CNGB1: variants seen among roughly 807,000 people sequenced by gnomAD.
CNGB1 encodes cyclic nucleotide gated channel subunit beta 1.
A neutral mutation model predicts 151.7 loss-of-function variants in CNGB1; 126 were observed. The ratio of observed to expected loss-of-function variants is 0.83; its 90% CI spans 0.72 to 0.96. CNGB1 has a LOEUF of 0.96. Ranked by LOEUF, CNGB1 falls within the 40% of genes least tolerant of loss-of-function variation. The pLI is 0.00. For missense variants in CNGB1, 1,698 were observed against 1,627.0 expected, an observed-to-expected ratio of 1.04 and a Z score of -0.75; for synonymous variants, 623 against 635.1, an observed-to-expected ratio of 0.98 and a Z score of 0.29.
chr16:57,968,338 A>G (rs1220543995), intron 1 of CNGB1, among the ~76,000 whole-genome samples: 1 of 152,124 alleles, frequency 6.6e-6, no homozygotes, highest in Non-Finnish European at 1.5e-5. Context: ...GTCTACTAAA[A>G]ATACAAAAAT....
chr16:57,939,637 C>T (rs1401561100), intron 15 of CNGB1, 45 bp from the exon 16 acceptor site: 1 of 1,613,000 alleles, frequency 6.2e-7, no homozygotes, highest in Non-Finnish European at 8.5e-7. Context: ...CATCAGCCCC[C>T]AGCCCTAGTC....
rs1298167540 is a variant in CNGB1, at chr16:57,911,888, C to T, written c.2370-13G>A. 5.6e-6 allele frequency: 9 copies of T among 1,612,936 alleles called. No individual in the cohort carries two copies. Among genetic ancestry groups the T allele is most frequent in the African/African-American group, 1.3e-5 (1 of 74,888 alleles). On this transcript the variant is annotated splice_polypyrimidine_tract_variant and intron_variant, in intron 24 of 32. Coordinates refer to ENST00000251102, the MANE Select transcript of CNGB1 (RefSeq NM_001297.5). ...GGTCCTGATGACCCTGCAGAAGGAA[C>T]ACAGCGCATGAACACAGCGGCGGAA...
At chr16:57,932,002 C>T (rs1297443229) in intron 16 of CNGB1, 124 bp from the exon 17 acceptor site, 5 of 1,038,166 alleles carry the variant, frequency 4.8e-6, no homozygotes, top group Non-Finnish European at 7.3e-6. Context: ...AGCTTCACTT[C>T]CCAATGGGGC....
rs749171054 is a variant in CNGB1, at chr16:57,957,380, G to T, written c.838-3C>A. On this transcript the variant is annotated splice_polypyrimidine_tract_variant and splice_region_variant and intron_variant, in intron 11 of 32. Coordinates refer to ENST00000251102, the MANE Select transcript of CNGB1 (RefSeq NM_001297.5). ...CATATCCCAGGGGAGTCAGGCTCCT[G>T]CATGGAGAGAGAAAAAAGGGAAAAT... 1 of 1,613,904 alleles carries T rather than the reference G, an allele frequency of 6.2e-7. No individual in the cohort carries two copies. The highest frequency in any genetic ancestry group is 8.5e-7 in the Non-Finnish European group (1 of 1,179,766).
chr16:57,909,395 T>C (rs1355257986), intron 25 of CNGB1, among the ~76,000 whole-genome samples: 1 of 152,176 alleles, frequency 6.6e-6, no homozygotes, highest in East Asian at 1.9e-4. Context: ...TTAAAATAAT[T>C]TTCTAAACTT....
chr16:57,943,348 C>CGT (rs139706298), intron 14 of CNGB1, among the ~76,000 whole-genome samples: 2,847 of 152,216 alleles, frequency 0.019, 82 homozygotes, highest in African/African-American at 0.064. Context: ...GAAATATTAA[C>CGT]TTCTCACCTG....
intron 8 of CNGB1, 76 bp downstream of exon 8, chr16:57,960,764 G>A: frequency 6.9e-7 from 1 of 1,452,872 alleles, no homozygotes. Flanking sequence ...CAGCCTGCTG[G>A]AGGAGGCAGT....
chr16:57,886,621 T>C (rs1363635947), intron 32 of CNGB1, among the ~76,000 whole-genome samples: 1 of 151,972 alleles, frequency 6.6e-6, no homozygotes, highest in Non-Finnish European at 1.5e-5. Flanking sequence ...TGAGACTGAG[T>C]TCACTGGGCT....
chr16:57,888,021 A>G lies in CNGB1; in HGVS notation c.3296T>C (p.Leu1099Pro). 1.9e-6 allele frequency: 3 copies of G among 1,614,180 alleles called. No individual in the cohort carries two copies. The highest frequency in any genetic ancestry group is 1.6e-4 in the Middle Eastern group (1 of 6,062). Residue 1099 changes from leucine to proline, a missense_variant, in exon 32 of 33, where the codon CTT (leucine) becomes CCT (proline). Coordinates refer to ENST00000251102, the MANE Select transcript of CNGB1 (RefSeq NM_001297.5). The stretch of plus-strand genomic sequence containing the variant: ...CTTTGGGGTGCCCGCCCGGGGTGGA[A>G]GGATCAGCACGCTCTTCTCCTCCTT... ...KPKEEKSVLI[L>P]PPRAGTPKLF...
chr16:57,917,267 C>A lies in CNGB1; in HGVS notation c.2166+1G>T. On this transcript the variant is annotated splice_donor_variant, in intron 21 of 32. Coordinates refer to ENST00000251102, the MANE Select transcript of CNGB1 (RefSeq NM_001297.5). LOFTEE classifies it high-confidence loss of function. ...CCCAACACCACCTGCCTGTGACTCA[C>A]AATGATGTCCCCGCCTCTGACAAAC... The A allele has an allele frequency of 6.2e-7, 1 of 1,611,772 alleles. No homozygotes were observed. The highest frequency in any genetic ancestry group is 8.5e-7 in the Non-Finnish European group (1 of 1,178,960).
At chr16:57,908,272 G>C (rs550522674) in intron 25 of CNGB1, among the ~76,000 whole-genome samples, 13 of 152,370 alleles carry the variant, frequency 8.5e-5, no homozygotes, top group Non-Finnish European at 1.6e-4. Context: ...TGATGGCTGA[G>C]GTTGGGGCAT....
chr16:57,922,434 T>TC (rs35121566), intron 18 of CNGB1, among the ~76,000 whole-genome samples: 7 of 147,372 alleles, frequency 4.7e-5, no homozygotes, highest in Non-Finnish European at 9.0e-5. Context: ...TTTCTTTCTT[T>TC]TTTTTTTTTT....
intron 16 of CNGB1, 61 bp downstream of exon 16, chr16:57,939,369 T>A: frequency 1.2e-6 from 2 of 1,608,992 alleles, no homozygotes; most frequent in East Asian, 4.5e-5. Flanking sequence ...GAAGGCTGCC[T>A]CCAGCCTAAA....
At chr16:57,957,914 A>G (rs1390007355) in intron 11 of CNGB1, among the ~76,000 whole-genome samples, 4 of 152,104 alleles carry the variant, frequency 2.6e-5, no homozygotes, top group African/African-American at 9.7e-5. Flanking sequence ...AAGACGTCCA[A>G]TTGCACCCAA....
rs748218212 is a variant in CNGB1 at position 57,923,255 on chromosome 16, A to G, written c.1643+18T>C. The G allele has an allele frequency of 6.6e-7, 1 of 1,525,336 alleles. No homozygotes were observed. Among genetic ancestry groups the G allele is most frequent in the Admixed American group, 1.7e-5 (1 of 57,492 alleles). 94.5% of individuals were successfully genotyped at this position (1,525,336 alleles called of 1,614,324 possible). On this transcript the variant is annotated intron_variant, in intron 18 of 32. Coordinates refer to ENST00000251102, the MANE Select transcript of CNGB1 (RefSeq NM_001297.5). ...CCCCGCAGTCTTTCAATTTTCTGAG[A>G]CCCCAGAGGGGTCTCACTCAGTGTC...
At chr16:57,919,893 T>C (rs1173350938) in intron 19 of CNGB1, among the ~76,000 whole-genome samples, 2 of 152,122 alleles carry the variant, frequency 1.3e-5, no homozygotes, top group African/African-American at 4.8e-5. Flanking sequence ...GATACAGCCT[T>C]CCTCTGGAAA....
chr16:57,964,288 G>T, intron 3 of CNGB1, 86 bp from the exon 4 acceptor site: 2 of 1,477,720 alleles, frequency 1.4e-6, no homozygotes, highest in Non-Finnish European at 1.9e-6. Flanking sequence ...TCAGGGGAGA[G>T]GAGAGAGACC....
intron 24 of CNGB1, among the ~76,000 whole-genome samples, chr16:57,912,644 ATGTGTTG>A (rs1475991384): frequency 1.4e-5 from 2 of 143,412 alleles, no homozygotes; most frequent in African/African-American, 2.6e-5. Flanking sequence ...TGTGCACTGC[ATGTGTTG>A]TGTGTTGTGT....
Position 57,967,221 on chromosome 16 carries a change from C to A in CNGB1, c.66G>T (p.Gln22His). ...GCTCTGGTTCCACTTCCTCTTCCTCCTGCATCTTGGTCTTCCGAGGGGTCC... is the reference window on the plus strand; with the variant it reads ...GCTCTGGTTCCACTTCCTCTTCCTCATGCATCTTGGTCTTCCGAGGGGTCC... ...PPGTPRKTKM[Q>H]EEEEVEPEPE... The change falls in exon 2 of 33, where the codon CAG becomes CAT. Residue 22 changes from glutamine (Q) to histidine (H), a missense_variant. Gln to His is a conservative substitution (Grantham distance 24). Transcript: ENST00000251102. The A allele has an allele frequency of 6.2e-7, 1 of 1,614,198 alleles. No homozygotes were observed. Among genetic ancestry groups the A allele is most frequent in the Non-Finnish European group, 8.5e-7 (1 of 1,180,030 alleles).
Sources: allele counts gnomAD v4.1 joint callset (sites outside exome capture counted in the v4.1 genomes callset), GRCh38; gene constraint gnomAD v4.1.1; transcripts MANE v1.5; gene names NCBI Gene and HGNC (gene_info 2026-07-23, HGNC 2026-07-21).